The following FIRRM variants were observed in gnomAD, a reference collection of about 807,000 sequenced individuals.
The protein encoded by FIRRM is FIGNL1-interacting regulator of recombination and mitosis.
chr1:169,784,518 T>C, the FIRRM span, among the ~76,000 whole-genome samples: 1 of 152,216 alleles, frequency 6.6e-6, no homozygotes, highest in Non-Finnish European at 1.5e-5. Flanking sequence ...TTCATCTCTT[T>C]CCTCTCCCTT....
the FIRRM span, among the ~76,000 whole-genome samples, chr1:169,787,172 G>GGTGCAGTGTGCAGT: frequency 1.3e-5 from 2 of 152,192 alleles, no homozygotes; most frequent in East Asian, 1.9e-4. Context: ...TTCCCTGCAG[G>GGTGCAGTGTGCAGT]GTGCAGTGTG....
At chr1:169,800,802 A>G in the FIRRM span, 1 of 587,914 alleles carries the variant, frequency 1.7e-6, no homozygotes, top group East Asian at 3.4e-5. Context: ...GATTGGTAGT[A>G]TTCTTGCATT....
At chr1:169,812,975 AGCGAACCATCC>A in the FIRRM span, among the ~76,000 whole-genome samples, 1 of 152,238 alleles carries the variant, frequency 6.6e-6, no homozygotes. Context: ...ATATTCCATT[AGCGAACCATCC>A]AACTCTGTTT....
chr1:169,799,765 TG>T, the FIRRM span, among the ~76,000 whole-genome samples: 1 of 152,194 alleles, frequency 6.6e-6, no homozygotes, highest in Non-Finnish European at 1.5e-5. Context: ...TTGGCCAGGC[TG>T]GTCTCAAAAC....
At chr1:169,814,425 A>G in the FIRRM span, among the ~76,000 whole-genome samples, 6 of 152,206 alleles carry the variant, frequency 3.9e-5, no homozygotes, top group African/African-American at 1.4e-4. Flanking sequence ...AGTATACAAT[A>G]ATTTCATAGC....
the FIRRM span, among the ~76,000 whole-genome samples, chr1:169,799,896 A>C: frequency 6.6e-6 from 1 of 151,852 alleles, no homozygotes. Context: ...ATCTCACTCT[A>C]TTGCCCAGGC....
At chr1:169,800,349 T>C in the FIRRM span, among the ~76,000 whole-genome samples, 4 of 152,122 alleles carry the variant, frequency 2.6e-5, no homozygotes, top group Non-Finnish European at 4.4e-5. Context: ...GTGGCATAAT[T>C]TTTTTTAAGT....
At chr1:169,853,483 C>G in the FIRRM span, 2 of 489,436 alleles carry the variant, frequency 4.1e-6, no homozygotes, top group Non-Finnish European at 7.2e-6. Context: ...GTCAAATGCA[C>G]AAAGGCTCTT....
At chr1:169,817,966 A>G in the FIRRM span, among the ~76,000 whole-genome samples, 14 of 151,466 alleles carry the variant, frequency 9.2e-5, no homozygotes, top group Admixed American at 9.2e-4. Context: ...TTTTTTTGCA[A>G]GATTAATTTT....
chr1:169,842,555 G>C, the FIRRM span: 2 of 1,604,184 alleles, frequency 1.2e-6, no homozygotes, highest in African/African-American at 2.7e-5. Context: ...GAAAGCAACT[G>C]ATCCTTTCCT....
chr1:169,805,890 CG>C, the FIRRM span: 1 of 653,674 alleles, frequency 1.5e-6, no homozygotes, highest in Non-Finnish European at 2.7e-6. Flanking sequence ...AGTTGTGTTA[CG>C]TATTTTAATT....
chr1:169,803,386 A>C, the FIRRM span: 1 of 1,331,700 alleles, frequency 7.5e-7, no homozygotes. Context: ...ATGTTTGTAT[A>C]AGATTTTACA....
the FIRRM span, among the ~76,000 whole-genome samples, chr1:169,825,644 A>C: frequency 1.3e-5 from 2 of 152,204 alleles, no homozygotes; most frequent in Admixed American, 1.3e-4. Flanking sequence ...TTATTTATTT[A>C]TAATTTAATC....
the FIRRM span, chr1:169,793,532 A>C: frequency 6.2e-7 from 1 of 1,614,204 alleles, no homozygotes; most frequent in Non-Finnish European, 8.5e-7. Context: ...ATCCTGAGGC[A>C]AGTCAAATTG....
the FIRRM span, chr1:169,826,091 A>G: frequency 3.0e-6 from 1 of 335,106 alleles, no homozygotes; most frequent in Non-Finnish European, 6.2e-6. Context: ...TTCTTTTTTG[A>G]GATGGAGTTT....
chr1:169,801,040 A>C, the FIRRM span: 1 of 759,742 alleles, frequency 1.3e-6, no homozygotes, highest in Non-Finnish European at 2.2e-6. Context: ...ATTTATTATT[A>C]ATTATGGCTC....
chr1:169,839,662 G>A, the FIRRM span, among the ~76,000 whole-genome samples: 1 of 152,166 alleles, frequency 6.6e-6, no homozygotes, highest in Non-Finnish European at 1.5e-5. Flanking sequence ...CACATGCATA[G>A]TTTGCAAGTA....
At chr1:169,836,513 G>A in the FIRRM span, among the ~76,000 whole-genome samples, 3 of 152,174 alleles carry the variant, frequency 2.0e-5, no homozygotes, top group Non-Finnish European at 4.4e-5. Context: ...CTATAATCAA[G>A]TGAGATAACA....
chr1:169,841,530 C>T, the FIRRM span, among the ~76,000 whole-genome samples: 1 of 152,288 alleles, frequency 6.6e-6, no homozygotes. Flanking sequence ...CCTGTACCCC[C>T]ACCACACCTC....
Sources: gnomAD v4.1 joint callset for allele counts (sites outside exome capture counted in the v4.1 genomes callset) on GRCh38, gnomAD v4.1.1 for gene constraint, MANE v1.5 for transcripts, NCBI Gene and HGNC (gene_info 2026-07-23, HGNC 2026-07-21) for gene names.